The following PVT1 variants were observed in gnomAD, a reference collection of about 807,000 sequenced individuals.
PVT1 encodes CXCR4/PVT1 fusion.
At chr8:127,886,061 C>T (rs1392923408) in intron 2 of PVT1, among the ~76,000 whole-genome samples, 1 of 151,994 alleles carries the variant, frequency 6.6e-6, no homozygotes, top group East Asian at 1.9e-4. Flanking sequence ...GGCACCATTG[C>T]ACTCCAGCCT....
intron 3 of PVT1, among the ~76,000 whole-genome samples, chr8:127,953,793 TTTC>T (rs1191476892): frequency 6.6e-6 from 1 of 152,196 alleles, no homozygotes; most frequent in Non-Finnish European, 1.5e-5. Context: ...GAACATTTTT[TTTC>T]TTCTTTTCTT....
At chr8:127,875,104 A>G (rs1187404409) in intron 2 of PVT1, among the ~76,000 whole-genome samples, 6 of 152,090 alleles carry the variant, frequency 3.9e-5, no homozygotes, top group South Asian at 2.1e-4. Flanking sequence ...TCAGTTTTCT[A>G]TGGTGTTTGG....
intron 2 of PVT1, among the ~76,000 whole-genome samples, chr8:127,836,452 G>A (rs1182085172): frequency 6.6e-6 from 1 of 152,094 alleles, no homozygotes; most frequent in Non-Finnish European, 1.5e-5. Context: ...TATGAAAGGT[G>A]AGCAAATGCT....
intron 3 of PVT1, among the ~76,000 whole-genome samples, chr8:127,936,042 T>C (rs1816269507): frequency 6.7e-6 from 1 of 149,150 alleles, no homozygotes; most frequent in South Asian, 2.1e-4. Context: ...CTCTTTTTTT[T>C]TTTTTTTTTT....
chr8:128,051,351 T>C (rs1382172681), intron 4 of PVT1, among the ~76,000 whole-genome samples: 4 of 152,202 alleles, frequency 2.6e-5, no homozygotes, highest in Non-Finnish European at 5.9e-5. Flanking sequence ...GACTCTTCCC[T>C]TCAGATGGAT....
At chr8:127,851,503 T>C (rs896231199) in intron 2 of PVT1, among the ~76,000 whole-genome samples, 10 of 152,144 alleles carry the variant, frequency 6.6e-5, no homozygotes, top group Non-Finnish European at 1.5e-4. Context: ...TGAGATGATG[T>C]AGCAAAACAC....
intron 4 of PVT1, among the ~76,000 whole-genome samples, chr8:127,996,103 C>T (rs1286262724): frequency 1.3e-5 from 2 of 152,186 alleles, no homozygotes; most frequent in African/African-American, 4.8e-5. Context: ...CCACACTCAC[C>T]TTTCTCCTTT....
At chr8:128,049,985 G>T (rs987089795) in intron 4 of PVT1, among the ~76,000 whole-genome samples, 7 of 152,178 alleles carry the variant, frequency 4.6e-5, no homozygotes, top group Admixed American at 3.9e-4. Context: ...GGGCTTCAGG[G>T]TGGGCAAGGA....
intron 2 of PVT1, among the ~76,000 whole-genome samples, chr8:127,882,562 C>T (rs1196374067): frequency 1.3e-5 from 2 of 152,086 alleles, no homozygotes; most frequent in Admixed American, 6.5e-5. Flanking sequence ...CGGCTCACTG[C>T]AACCTCCGCC....
chr8:127,947,856 A>G (rs1330403946), intron 3 of PVT1: 3 of 456,458 alleles, frequency 6.6e-6, no homozygotes, highest in Non-Finnish European at 1.3e-5. Context: ...ACTTTGTGCT[A>G]TACCCTCTTG....
intron 2 of PVT1, among the ~76,000 whole-genome samples, chr8:127,810,432 G>A (rs1348475517): frequency 6.6e-6 from 1 of 152,174 alleles, no homozygotes. Flanking sequence ...AGTGCCTGGT[G>A]CGTCAGAGGC....
intron 3 of PVT1, among the ~76,000 whole-genome samples, chr8:127,978,383 TTCCTGGCTTCAAGTGG>T (rs1159381233): frequency 1.3e-5 from 2 of 151,774 alleles, no homozygotes; most frequent in African/African-American, 2.4e-5. Context: ...TGATCTCAAA[TTCCTGGCTTCAAGTGG>T]TCCTCCTGCT....
At chr8:128,101,113 C>A (rs1814498536) in intron 6 of PVT1, 1 of 152,300 alleles carries the variant, frequency 6.6e-6, no homozygotes, top group African/African-American at 2.4e-5. Context: ...CAGCAAGCAC[C>A]TGTTACCTGT....
At chr8:127,832,814 C>T (rs913674563) in intron 2 of PVT1, among the ~76,000 whole-genome samples, 10 of 151,928 alleles carry the variant, frequency 6.6e-5, no homozygotes, top group Admixed American at 2.0e-4. Flanking sequence ...GCTGAGATCG[C>T]ACCACTCCAC....
intron 2 of PVT1, among the ~76,000 whole-genome samples, chr8:127,848,890 G>C (rs535656665): frequency 1.3e-5 from 2 of 152,328 alleles, no homozygotes; most frequent in African/African-American, 4.8e-5. Context: ...TGGGCCTTAG[G>C]GGAGGAGGTC....
intron 2 of PVT1, among the ~76,000 whole-genome samples, chr8:127,809,984 G>C (rs1002333674): frequency 3.9e-5 from 6 of 152,242 alleles, no homozygotes; most frequent in Admixed American, 3.3e-4. Context: ...GAGACCAGTA[G>C]CTTCCTCTGG....
At chr8:127,958,485 T>C (rs2013589) in intron 3 of PVT1, among the ~76,000 whole-genome samples, 95,399 of 152,120 alleles carry the variant, frequency 0.63, 30,151 homozygotes, top group Middle Eastern at 0.71. Context: ...GGCATCCGCC[T>C]GCTTTGGCCT....
chr8:127,889,448 ATT>A (rs35522702), intron 2 of PVT1, among the ~76,000 whole-genome samples: 94 of 139,654 alleles, frequency 6.7e-4, no homozygotes, highest in Middle Eastern at 3.6e-3. Context: ...TTTTCCTGTG[ATT>A]TTTTTTTTTT....
intron 3 of PVT1, among the ~76,000 whole-genome samples, chr8:127,915,612 C>CAA (rs61238663): frequency 0.051 from 3,148 of 62,082 alleles, 195 homozygotes; most frequent in African/African-American, 0.11. Context: ...AACTCCATCT[C>CAA]AAAAAAAAAA....
Sources: gnomAD v4.1 joint callset for allele counts (sites outside exome capture counted in the v4.1 genomes callset) on GRCh38, gnomAD v4.1.1 for gene constraint, MANE v1.5 for transcripts, NCBI Gene and HGNC (gene_info 2026-07-23, HGNC 2026-07-21) for gene names.